The following ARAP2 variants were observed in gnomAD, a reference collection of about 807,000 sequenced individuals.
The protein encoded by ARAP2 is arf-GAP with Rho-GAP domain, ANK repeat and PH domain-containing protein 2.
In ARAP2, 148 loss-of-function variants were observed where a neutral mutation model predicts 194.5. That is an observed-to-expected ratio of 0.76 (90% CI 0.67 to 0.87). ARAP2 has a LOEUF of 0.87. Among genes scored for constraint, ARAP2 ranks in the 40% least tolerant of loss-of-function variants. ARAP2 has a pLI of 0.00. For missense variants in ARAP2, 2,128 were observed against 1,989.7 expected, an observed-to-expected ratio of 1.07 and a Z score of -1.32; for synonymous variants, 695 against 683.5, an observed-to-expected ratio of 1.02 and a Z score of -0.26.
At chr4:36,040,731 C>T (rs1440521013) in intron 5 of ARAP2, among the ~76,000 whole-genome samples, 1 of 152,054 alleles carries the variant, frequency 6.6e-6, no homozygotes, top group Non-Finnish European at 1.5e-5. Context: ...AAGGAAGGAG[C>T]TTTTGGGTCG....
chr4:36,121,553 A>G (rs1435452177), intron 22 of ARAP2, among the ~76,000 whole-genome samples: 55 of 151,836 alleles, frequency 3.6e-4, no homozygotes, highest in Non-Finnish European at 1.5e-5. Flanking sequence ...TTACAAAGTC[A>G]TACTTAATTG....
chr4:36,007,578 G>A (rs142451508), intron 9 of ARAP2, among the ~76,000 whole-genome samples: 107 of 152,246 alleles, frequency 7.0e-4, no homozygotes, highest in African/African-American at 1.2e-3. Flanking sequence ...CTTACCCCGC[G>A]AAGTATGAGA....
intron 8 of ARAP2, among the ~76,000 whole-genome samples, chr4:36,182,021 A>G (rs953600596): frequency 6.6e-6 from 1 of 152,232 alleles, no homozygotes; most frequent in Admixed American, 6.5e-5. Flanking sequence ...GGATAAGGTG[A>G]ACATGTAACA....
chr4:36,205,845 G>A (rs150626897), intron 6 of ARAP2, among the ~76,000 whole-genome samples: 114 of 152,304 alleles, frequency 7.5e-4, no homozygotes, highest in Non-Finnish European at 1.2e-3. Context: ...TATGGAGAAT[G>A]AAACTTTTTT....
At chr4:36,130,440 G>A (rs1383994478) in intron 20 of ARAP2, among the ~76,000 whole-genome samples, 1 of 151,700 alleles carries the variant, frequency 6.6e-6, no homozygotes, top group African/African-American at 2.4e-5. Context: ...TTTGTGACTC[G>A]ATACCTTGGC....
At chr4:36,183,531 C>A (rs989002609) in intron 8 of ARAP2, among the ~76,000 whole-genome samples, 2 of 152,152 alleles carry the variant, frequency 1.3e-5, no homozygotes, top group African/African-American at 4.8e-5. Flanking sequence ...CAGAACTGTG[C>A]ACTCAAAACA....
intron 1 of ARAP2, among the ~76,000 whole-genome samples, chr4:36,243,383 C>CAAAAAAAAAAAAAAAAAAAAA (rs71201008): frequency 1.2e-5 from 1 of 85,114 alleles, no homozygotes; most frequent in Admixed American, 1.2e-4. Context: ...GACAAGCTTG[C>CAAAAAAAAAAAAAAAAAAAAA]AAAAAAAAAA....
At chr4:36,088,005 A>G (rs943948808) in intron 28 of ARAP2, among the ~76,000 whole-genome samples, 6 of 152,072 alleles carry the variant, frequency 3.9e-5, no homozygotes, top group African/African-American at 1.4e-4. Flanking sequence ...AAAATGAGAT[A>G]ATCCAAATAA....
chr4:36,048,338 A>G (rs910185394), intron 3 of ARAP2, among the ~76,000 whole-genome samples: 11 of 152,202 alleles, frequency 7.2e-5, no homozygotes, highest in Non-Finnish European at 1.3e-4. Context: ...ATCACCAAAT[A>G]GGTAGTTTTT....
Position 36,244,429 on chromosome 4 carries a change from A to G in ARAP2, c.-410T>C, listed in dbSNP as rs1754261688. 2 of 148,558 alleles carry G rather than the reference A, an allele frequency of 1.3e-5. No individual in the cohort carries two copies. The highest frequency in any genetic ancestry group is 1.3e-4 in the Admixed American group (2 of 15,052). The allele number at this position is 148,558 out of a possible 1,614,324, so 9.2% of individuals were successfully genotyped here. On this transcript the variant is annotated 5_prime_UTR_variant, in exon 1 of 33. Transcript: ENST00000303965. ...TGGAGGCGGGGAGCGCGGGCCGCGG[A>G]CCCGCGCTCAGCTCCGGAAACGCCG... is the stretch of plus-strand genomic sequence containing the variant.
intron 5 of ARAP2, among the ~76,000 whole-genome samples, chr4:36,044,836 A>T (rs890591396): frequency 6.6e-6 from 1 of 152,120 alleles, no homozygotes; most frequent in African/African-American, 2.4e-5. Flanking sequence ...TAACAAACTC[A>T]AACTACTCAA....
intron 8 of ARAP2, 136 bp from the exon 9 acceptor site, chr4:36,178,141 T>C: frequency 1.4e-6 from 1 of 721,842 alleles, no homozygotes; most frequent in Non-Finnish European, 2.1e-6. Flanking sequence ...TAAATGCTAC[T>C]GTAAACAGAG....
At chr4:36,014,316 AAGAAAG>A (rs1305348370) in intron 8 of ARAP2, among the ~76,000 whole-genome samples, 4 of 106,416 alleles carry the variant, frequency 3.8e-5, no homozygotes, top group Non-Finnish European at 7.9e-5. Flanking sequence ...GAAGGAAAGA[AAGAAAG>A]AGAGAAAGAA....
intron 19 of ARAP2, among the ~76,000 whole-genome samples, chr4:36,143,690 T>C (rs1728908872): frequency 6.6e-6 from 1 of 151,766 alleles, no homozygotes; most frequent in Non-Finnish European, 1.5e-5. Flanking sequence ...TATAATTGCG[T>C]TTAAATGGTG....
intron 6 of ARAP2, chr4:36,019,109 T>C (rs778196680): frequency 6.7e-6 from 1 of 149,636 alleles, no homozygotes; most frequent in Non-Finnish European, 1.5e-5. Flanking sequence ...ATATTTAAAA[T>C]ACATCTTTTA....
At chr4:36,185,652 A>G (rs1191897752) in intron 8 of ARAP2, among the ~76,000 whole-genome samples, 1 of 152,102 alleles carries the variant, frequency 6.6e-6, no homozygotes, top group African/African-American at 2.4e-5. Context: ...GTCATTTCCA[A>G]CTGGTGGTGA....
chr4:36,153,847 A>G (rs1007785563), intron 15 of ARAP2, among the ~76,000 whole-genome samples: 5 of 152,190 alleles, frequency 3.3e-5, no homozygotes, highest in African/African-American at 1.2e-4. Context: ...TGTGCCATGC[A>G]CTGTTCATGC....
intron 20 of ARAP2, 29 bp downstream of exon 20, chr4:36,133,197 G>C (rs1053050823): frequency 7.5e-6 from 12 of 1,606,216 alleles, no homozygotes; most frequent in African/African-American, 1.3e-5. Context: ...TCAGTTCTAA[G>C]GGTTGAATAA....
intron 5 of ARAP2, among the ~76,000 whole-genome samples, chr4:36,043,624 C>G (rs1240135067): frequency 6.6e-6 from 1 of 151,794 alleles, no homozygotes; most frequent in Admixed American, 6.6e-5. Flanking sequence ...TGTCTGTTGC[C>G]TCCGCTATAT....
Sources: gnomAD v4.1 joint callset for allele counts (sites outside exome capture counted in the v4.1 genomes callset) on GRCh38, gnomAD v4.1.1 for gene constraint, MANE v1.5 for transcripts, NCBI Gene and HGNC (gene_info 2026-07-23, HGNC 2026-07-21) for gene names.